The following TMIGD3 variants were observed in gnomAD, a reference collection of about 807,000 sequenced individuals.
The protein encoded by TMIGD3 is transmembrane and immunoglobulin domain containing 3.
A neutral mutation model predicts 28.1 loss-of-function variants in TMIGD3; 21 were observed. The observed-to-expected ratio is 0.75, with a 90% confidence interval of 0.53 to 1.08. TMIGD3 has a LOEUF of 1.08. Ranked by LOEUF, TMIGD3 falls within the 50% of genes least tolerant of loss-of-function variation. The probability of loss-of-function intolerance (pLI) is 0.00; values close to 1 mark genes in which losing one functional copy is unlikely to be tolerated. For missense variants in TMIGD3, 416 were observed against 435.6 expected, an observed-to-expected ratio of 0.96 and a Z score of 0.40; for synonymous variants, 151 against 162.1, an observed-to-expected ratio of 0.93 and a Z score of 0.52.
At chr1:111,545,577 C>T (rs1310113476) in intron 1 of TMIGD3, among the ~76,000 whole-genome samples, 2 of 151,982 alleles carry the variant, frequency 1.3e-5, no homozygotes, top group Admixed American at 1.3e-4. Context: ...CTGGTTTGTA[C>T]TTTTACTTTC....
At chr1:111,494,439 T>G (rs1654799575) in intron 1 of TMIGD3, among the ~76,000 whole-genome samples, 1 of 152,098 alleles carries the variant, frequency 6.6e-6, no homozygotes. Flanking sequence ...GAGAGCCAAA[T>G]CAGGAATGCA....
At chr1:111,517,491 C>T (rs114081504) in intron 1 of TMIGD3, among the ~76,000 whole-genome samples, 1 of 152,114 alleles carries the variant, frequency 6.6e-6, no homozygotes. Flanking sequence ...TAAATGTGTC[C>T]TATTCTGAGA....
chr1:111,499,703 A>G, intron 1 of TMIGD3: 1 of 1,307,934 alleles, frequency 7.6e-7, no homozygotes, highest in Non-Finnish European at 9.8e-7. Flanking sequence ...CAATAATATC[A>G]ATAATACGTT....
intron 1 of TMIGD3, among the ~76,000 whole-genome samples, chr1:111,499,090 C>A (rs1208254494): frequency 1.9e-3 from 253 of 135,534 alleles, no homozygotes; most frequent in Non-Finnish European, 2.1e-3. Context: ...GACCTTGTCT[C>A]AAAAAAAAAA....
intron 1 of TMIGD3, among the ~76,000 whole-genome samples, chr1:111,494,817 G>T (rs984886855): frequency 6.6e-6 from 1 of 152,262 alleles, no homozygotes; most frequent in Admixed American, 6.5e-5. Flanking sequence ...CAATGGAATA[G>T]AATGGAGAAC....
chr1:111,505,957 C>A (rs952446847), upstream of TMIGD3, among the ~76,000 whole-genome samples: 2 of 152,214 alleles, frequency 1.3e-5, no homozygotes, highest in African/African-American at 4.8e-5. Flanking sequence ...CCAGACTGAG[C>A]AACTCGTGGC....
chr1:111,539,483 A>G (rs918539896), intron 1 of TMIGD3, among the ~76,000 whole-genome samples: 3 of 152,130 alleles, frequency 2.0e-5, no homozygotes, highest in African/African-American at 4.8e-5. Context: ...TTTTTAGTAG[A>G]GATGGGATTT....
chr1:111,489,434 C>A (rs1261955925), intron 2 of TMIGD3: 3 of 495,886 alleles, frequency 6.0e-6, no homozygotes, highest in African/African-American at 4.2e-5. Context: ...AGAATGAAAC[C>A]AAACTTGCCA....
intron 1 of TMIGD3, among the ~76,000 whole-genome samples, chr1:111,529,244 CTT>C: frequency 6.6e-6 from 1 of 152,088 alleles, no homozygotes; most frequent in East Asian, 1.9e-4. Flanking sequence ...TGGAAGAAGA[CTT>C]TCCAAGCAGG....
intron 1 of TMIGD3, among the ~76,000 whole-genome samples, chr1:111,510,075 G>T (rs1470483317): frequency 6.6e-6 from 1 of 152,212 alleles, no homozygotes; most frequent in Non-Finnish European, 1.5e-5. Context: ...GGGTAGACTT[G>T]CTTCCTAGGC....
At position 111,488,746 on chromosome 1, in the gene TMIGD3, T is replaced by C. The variant is rs772756521; in HGVS notation, c.736A>G (p.Met246Val). Reference sequence around the variant, plus strand: ...GTTACAATCAGCTCTGTAAAATCCATGTCATCCCTGGCAAAGTCCCGCTGG... The same window carrying C: ...GTTACAATCAGCTCTGTAAAATCCACGTCATCCCTGGCAAAGTCCCGCTGG... ...GIQRDFARDD[M>V]DFTELIVTDD... Residue 246 changes from methionine (M) to valine (V), a missense_variant, in exon 3 of 6, where the codon ATG (methionine) becomes GTG (valine). By Grantham distance (21) the Met-to-Val change is conservative. Transcript: ENST00000369716. The C allele has an allele frequency of 2.5e-6, 4 of 1,614,174 alleles. No individual in the cohort carries two copies. Among genetic ancestry groups the C allele is most frequent in the Admixed American group, 1.7e-5 (1 of 60,028 alleles).
intron 1 of TMIGD3, among the ~76,000 whole-genome samples, chr1:111,555,082 C>G (rs1657427237): frequency 6.6e-6 from 1 of 151,914 alleles, no homozygotes; most frequent in South Asian, 2.1e-4. Flanking sequence ...AATGATCAGG[C>G]AGGCGGGGCA....
rs773703325 is a variant in TMIGD3, at chr1:111,488,660, C to T, written c.805+17G>A. The T allele has an allele frequency of 8.1e-6, 13 of 1,603,428 alleles. No individual in the cohort carries two copies. The highest frequency in any genetic ancestry group is 1.7e-5 in the Admixed American group (1 of 59,766). On this transcript the variant is annotated intron_variant, in intron 3 of 5. Coordinates refer to ENST00000369716, the MANE Select transcript of TMIGD3 (RefSeq NM_020683.7). ...GCTGTGGGTTACATCCAGCCAGACC[C>T]CAGGCAGGCTCCTTACCTTTCCCAG...
chr1:111,527,548 T>C (rs1320848204), intron 1 of TMIGD3, among the ~76,000 whole-genome samples: 10 of 152,244 alleles, frequency 6.6e-5, no homozygotes, highest in Admixed American at 6.5e-4. Flanking sequence ...TGCTTGATTG[T>C]ATGATAACAA....
In TMIGD3 at chr1:111,503,598, G is replaced by A. The variant is rs1306500145; in HGVS notation, c.-244C>T. ...CCCTTTATGCACCGCACATCCTCAA[G>A]TTTCCAGAATGCTGTAGGACAGCTC... is the stretch of plus-strand genomic sequence containing the variant. On this transcript the variant is annotated 5_prime_UTR_variant, in exon 1 of 6. Coordinates refer to ENST00000369716, the MANE Select transcript of TMIGD3 (RefSeq NM_020683.7). 7.5e-7 allele frequency: 1 copy of A among 1,337,830 alleles called. No individual in the cohort carries two copies. The highest frequency in any genetic ancestry group is 9.6e-7 in the Non-Finnish European group (1 of 1,039,394). 82.9% of individuals were successfully genotyped at this position (1,337,830 alleles called of 1,614,324 possible).
intron 1 of TMIGD3, chr1:111,499,726 G>GTGTAGATCTCGGTGGTC: frequency 7.3e-7 from 1 of 1,372,714 alleles, no homozygotes; most frequent in East Asian, 2.8e-5. Context: ...CCCCAAGTCA[G>GTGTAGATCTCGGTGGTC]GCCTCCAAAA....
intron 1 of TMIGD3, among the ~76,000 whole-genome samples, chr1:111,540,393 AC>A (rs1479481967): frequency 1.6e-4 from 25 of 152,130 alleles, no homozygotes; most frequent in African/African-American, 5.3e-4. Context: ...TAGCTTCTCC[AC>A]CTCCTCCTGG....
At chr1:111,513,356 A>G (rs975693704) in intron 1 of TMIGD3, among the ~76,000 whole-genome samples, 3 of 152,252 alleles carry the variant, frequency 2.0e-5, no homozygotes, top group South Asian at 2.1e-4. Flanking sequence ...ACAACTGCAC[A>G]TCGGCAAACA....
rs1180609864 is a variant in TMIGD3, at chr1:111,483,401, T to C, written c.*286A>G. On this transcript the variant is annotated 3_prime_UTR_variant, in exon 6 of 6. Transcript: ENST00000369716. ...GGCTAACAAAATACAAGTGATTTCC[T>C]GGTCCCCAATCCAGATTCTCCACCT... The C allele has an allele frequency of 5.4e-6, 2 of 368,946 alleles. No homozygotes were observed. Among genetic ancestry groups the C allele is most frequent in the Non-Finnish European group, 5.0e-6 (1 of 200,762 alleles). 22.9% of individuals were successfully genotyped at this position (368,946 alleles called of 1,614,324 possible). A position where few individuals can be genotyped will look rare whatever the true frequency, so the allele number is the denominator to read the frequency against.
Sources: allele counts gnomAD v4.1 joint callset (sites outside exome capture counted in the v4.1 genomes callset), GRCh38; gene constraint gnomAD v4.1.1; transcripts MANE v1.5; gene names NCBI Gene and HGNC (gene_info 2026-07-23, HGNC 2026-07-21).